The following TMEM156 variants were observed in gnomAD, a reference collection of about 807,000 sequenced individuals.
The protein encoded by TMEM156 is transmembrane protein 156.
A neutral mutation model predicts 30.5 loss-of-function variants in TMEM156; 28 were observed. The ratio of observed to expected loss-of-function variants is 0.92; its 90% confidence interval spans 0.68 to 1.26. The LOEUF (loss-of-function observed/expected upper bound fraction) is 1.26. TMEM156 is among the 50% of genes most tolerant of loss of function. The pLI, the probability that TMEM156 is intolerant of heterozygous loss-of-function variation, is 0.00. For missense variants in TMEM156, 351 were observed against 340.6 expected (o/e 1.03, Z -0.24); for synonymous variants, 137 against 119.9 (o/e 1.14, Z -0.93).
intron 3 of TMEM156, 33 bp downstream of exon 3, chr4:38,993,705 C>T: frequency 6.3e-7 from 1 of 1,590,492 alleles, no homozygotes; most frequent in South Asian, 1.1e-5. Context: ...TATCGGATAA[C>T]TCCTTTTCCC....
intron 2 of TMEM156, among the ~76,000 whole-genome samples, chr4:38,998,153 A>G (rs1713056943): frequency 6.6e-6 from 1 of 152,178 alleles, no homozygotes; most frequent in African/African-American, 2.4e-5. Flanking sequence ...TGTTTTCAAT[A>G]AGTCAAAGTA....
chr4:39,008,044 A>G lies in TMEM156; in HGVS notation c.89-9135T>C, dbSNP rs114450587. ...AATTTTTATAGCTTTTGGGCTTTCT[A>G]TGCAAATATGCATATTGACTGCAAA... On this transcript the variant is annotated intron_variant, in intron 1 of 6. Transcript: ENST00000381938. 3.9e-4 allele frequency among the ~76,000 whole-genome samples: 59 copies of G among 152,212 alleles called. 1 individual carries two copies. The highest frequency in any genetic ancestry group is 3.4e-3 in the Middle Eastern group (1 of 294).
intron 1 of TMEM156, chr4:39,028,426 C>CA: frequency 6.6e-6 from 1 of 152,194 alleles, no homozygotes; most frequent in East Asian, 1.9e-4. Flanking sequence ...ATACAAGGAA[C>CA]GTCCTCCCAA....
At chr4:38,989,614 T>G (rs761872537) in intron 3 of TMEM156, among the ~76,000 whole-genome samples, 6 of 152,080 alleles carry the variant, frequency 3.9e-5, no homozygotes, top group African/African-American at 1.4e-4. Context: ...CAGATGACAA[T>G]GAGGCAACAT....
intron 5 of TMEM156, among the ~76,000 whole-genome samples, chr4:38,973,969 A>T (rs903360319): frequency 1.3e-5 from 2 of 152,082 alleles, no homozygotes; most frequent in African/African-American, 4.8e-5. Context: ...ATCTCTTTAC[A>T]TCTATAAATA....
At chr4:38,980,792 G>A (rs1425958206) in intron 5 of TMEM156, 2 of 303,556 alleles carry the variant, frequency 6.6e-6, no homozygotes, top group African/African-American at 2.3e-5. Flanking sequence ...AGGGGAGCAG[G>A]TTTGTAGAGG....
chr4:38,985,743 TTC>T (rs999028811), intron 5 of TMEM156, among the ~76,000 whole-genome samples: 2 of 152,212 alleles, frequency 1.3e-5, no homozygotes. Context: ...CCATGTCACA[TTC>T]TCTCTCTTTC....
chr4:39,020,769 C>T (rs1431608937), intron 1 of TMEM156, among the ~76,000 whole-genome samples: 2 of 151,886 alleles, frequency 1.3e-5, no homozygotes, highest in Non-Finnish European at 2.9e-5. Flanking sequence ...AGGATGGTCT[C>T]GATCTCTTGA....
intron 1 of TMEM156, among the ~76,000 whole-genome samples, chr4:39,010,839 A>T (rs146267855): frequency 1.0e-3 from 158 of 152,316 alleles, no homozygotes; most frequent in African/African-American, 3.4e-3. Context: ...ATACTTTTCT[A>T]GACATGAACT....
intron 5 of TMEM156, among the ~76,000 whole-genome samples, chr4:38,977,849 C>A (rs767788830): frequency 6.6e-6 from 1 of 152,202 alleles, no homozygotes; most frequent in Non-Finnish European, 1.5e-5. Flanking sequence ...AAATTCCATG[C>A]CTTATGCTCT....
intron 1 of TMEM156, among the ~76,000 whole-genome samples, chr4:39,026,130 C>A (rs1577591321): frequency 2.0e-5 from 3 of 151,748 alleles, no homozygotes; most frequent in African/African-American, 7.3e-5. Context: ...TTAAAAAATG[C>A]ATAATAAATA....
rs528576640 is a variant in TMEM156, at chr4:39,030,506, A to G, written c.88+1720T>C. Among the ~76,000 whole-genome samples, 9 of 152,326 alleles carry G rather than the reference A, an allele frequency of 5.9e-5. No individual in the cohort carries two copies. The East Asian group carries it at 1.5e-3, about 26-fold the overall frequency. On this transcript the variant is annotated intron_variant, in intron 1 of 6. Coordinates refer to ENST00000381938, the MANE Select transcript of TMEM156 (RefSeq NM_024943.3). Reference sequence around the variant, plus strand: ...CTAAGAATTTCTCTGTGCTTCATCTATCTTCTTTCTGCTCACCACTGCCCC... The same window carrying G: ...CTAAGAATTTCTCTGTGCTTCATCTGTCTTCTTTCTGCTCACCACTGCCCC...
intron 1 of TMEM156, among the ~76,000 whole-genome samples, chr4:39,016,986 C>T (rs1714530494): frequency 6.6e-6 from 1 of 152,038 alleles, no homozygotes; most frequent in South Asian, 2.1e-4. Context: ...TGCAGGGGAA[C>T]TCCCATTTAT....
intron 1 of TMEM156, among the ~76,000 whole-genome samples, chr4:39,021,016 T>C (rs1423881832): frequency 2.0e-5 from 3 of 152,254 alleles, no homozygotes; most frequent in African/African-American, 7.2e-5. Context: ...AATATTTCAC[T>C]GTATTTTCAT....
chr4:38,993,707 C>G, intron 3 of TMEM156, 31 bp downstream of exon 3: 1 of 1,593,064 alleles, frequency 6.3e-7, no homozygotes, highest in Non-Finnish European at 8.6e-7. Context: ...TCGGATAACT[C>G]CTTTTCCCTT....
intron 4 of TMEM156, 62 bp from the exon 5 acceptor site, chr4:38,986,481 C>G (rs906082065): frequency 3.2e-5 from 40 of 1,250,334 alleles, no homozygotes; most frequent in Non-Finnish European, 4.0e-5. Context: ...AACATATATT[C>G]CCCATGTTGG....
At chr4:39,011,944 T>G (rs747529569) in intron 1 of TMEM156, among the ~76,000 whole-genome samples, 1 of 152,134 alleles carries the variant, frequency 6.6e-6, no homozygotes, top group Non-Finnish European at 1.5e-5. Context: ...ATGTTCTCAT[T>G]TATAAGTGGT....
intron 1 of TMEM156, among the ~76,000 whole-genome samples, chr4:39,001,121 A>T (rs1261788374): frequency 1.3e-5 from 2 of 150,688 alleles, no homozygotes; most frequent in African/African-American, 4.9e-5. Flanking sequence ...AAAACAACCG[A>T]CCACTTCGGG....
chr4:38,977,815 A>C (rs972955825), intron 5 of TMEM156, among the ~76,000 whole-genome samples: 4 of 152,240 alleles, frequency 2.6e-5, no homozygotes, highest in African/African-American at 9.6e-5. Flanking sequence ...ATGGATTTTC[A>C]GGAGTAGAAA....
Sources: allele counts gnomAD v4.1 joint callset (sites outside exome capture counted in the v4.1 genomes callset), GRCh38; gene constraint gnomAD v4.1.1; transcripts MANE v1.5; gene names NCBI Gene and HGNC (gene_info 2026-07-23, HGNC 2026-07-21).